The following SLC22A16 variants were observed in gnomAD, a reference collection of about 807,000 sequenced individuals.
SLC22A16 encodes solute carrier family 22 member 16, also known as WUGSC:RG331P03.1.
Under a neutral mutation model 52.9 loss-of-function variants are expected in SLC22A16, and 53 were observed. The observed-to-expected ratio is 1.00, with a 90% CI of 0.80 to 1.26. The LOEUF (loss-of-function observed/expected upper bound fraction) is 1.26. SLC22A16 is among the 50% of genes most tolerant of loss of function. The pLI, the probability that SLC22A16 is intolerant of heterozygous loss-of-function variation, is 0.00. For missense variants in SLC22A16, 726 were observed against 704.0 expected (o/e 1.03, Z -0.35); for synonymous variants, 291 against 268.8 (o/e 1.08, Z -0.81).
At chr6:110,430,040 G>A (rs74520546) in intron 7 of SLC22A16, among the ~76,000 whole-genome samples, 3,006 of 152,092 alleles carry the variant, frequency 0.02, 98 homozygotes, top group African/African-American at 0.067. Flanking sequence ...TATCAGCTGA[G>A]TTTGGACTTT....
chr6:110,443,419 A>G (rs987980874), intron 3 of SLC22A16, among the ~76,000 whole-genome samples: 3 of 152,244 alleles, frequency 2.0e-5, no homozygotes, highest in Admixed American at 6.5e-5. Flanking sequence ...AAGGCTTTGA[A>G]CAGACATTTC....
At chr6:110,456,207 G>T in intron 2 of SLC22A16, 1 of 259,590 alleles carries the variant, frequency 3.9e-6, no homozygotes, top group Non-Finnish European at 7.3e-6. Context: ...CTTTTTTTCT[G>T]TATTAATTTT....
chr6:110,458,404 C>A (rs531716592), intron 1 of SLC22A16, among the ~76,000 whole-genome samples: 1 of 152,168 alleles, frequency 6.6e-6, no homozygotes, highest in African/African-American at 2.4e-5. Context: ...TTTATTTCTA[C>A]GATCTCTCGT....
At chr6:110,466,633 A>G (rs1776072251) in intron 1 of SLC22A16, among the ~76,000 whole-genome samples, 2 of 152,096 alleles carry the variant, frequency 1.3e-5, no homozygotes, top group Admixed American at 1.3e-4. Context: ...AACAGATATT[A>G]GTGAGACTGT....
At chr6:110,465,284 A>T (rs1270866862) in intron 1 of SLC22A16, among the ~76,000 whole-genome samples, 1 of 152,126 alleles carries the variant, frequency 6.6e-6, no homozygotes, top group Admixed American at 6.6e-5. Flanking sequence ...CAGTACTAGA[A>T]GTCCTAAACA....
chr6:110,462,323 C>T (rs1335106488), intron 1 of SLC22A16, among the ~76,000 whole-genome samples: 1 of 152,176 alleles, frequency 6.6e-6, no homozygotes, highest in Non-Finnish European at 1.5e-5. Flanking sequence ...CACCTCCAAA[C>T]ATTACTAGCT....
Position 110,425,062 on chromosome 6 carries a change from G to T in SLC22A16, c.1545C>A (p.Leu515=). The T allele has an allele frequency of 6.2e-7, 1 of 1,614,140 alleles. No homozygotes were observed. Among genetic ancestry groups the T allele is most frequent in the Non-Finnish European group, 8.5e-7 (1 of 1,180,026 alleles). The change falls in exon 8 of 8, where the codon CTC becomes CTA. Residue 515 remains leucine (L), a synonymous_variant. Coordinates refer to ENST00000368919, the MANE Select transcript of SLC22A16 (RefSeq NM_033125.4). ...IPQLFVGTMA[L]LSGVLTLKLP... The stretch of plus-strand genomic sequence containing the variant: ...GCTTTAGTGTTAACACTCCACTCAG[G>T]AGGGCCATAGTCCCAACAAACAACT...
intron 5 of SLC22A16, 52 bp from the exon 6 acceptor site, chr6:110,436,013 A>G (rs6930705): frequency 0.082 from 97,951 of 1,193,462 alleles, 4,581 homozygotes; most frequent in Non-Finnish European, 0.092. Flanking sequence ...TTTAAAGGAA[A>G]ATAGAAAATC....
chr6:110,432,664 A>G (rs1774553209), intron 6 of SLC22A16, among the ~76,000 whole-genome samples: 1 of 152,178 alleles, frequency 6.6e-6, no homozygotes, highest in Admixed American at 6.5e-5. Flanking sequence ...CAAAGCCACA[A>G]CGCAAGTTGG....
In SLC22A16 at chr6:110,435,910, C is replaced by G. The variant is rs557232227; in HGVS notation, c.1363G>C (p.Gly455Arg). 1.2e-6 allele frequency: 2 copies of G among 1,613,970 alleles called. No individual in the cohort carries two copies. The highest frequency in any genetic ancestry group is 1.7e-6 in the Non-Finnish European group (2 of 1,179,944). ...VTAMVGKFAI[G>R]AAFGLIYLYT... The stretch of plus-strand genomic sequence containing the variant: ...AGATAAATGAGGCCAAATGCTGCCC[C>G]GATGGCAAATTTTCCAACCATAGCT... Residue 455 changes from glycine to arginine, a missense_variant, in exon 6 of 8, where the codon GGG (glycine) becomes CGG (arginine). Transcript: ENST00000368919.
intron 7 of SLC22A16, among the ~76,000 whole-genome samples, chr6:110,425,670 C>T (rs1774232194): frequency 6.6e-6 from 1 of 152,236 alleles, no homozygotes; most frequent in Non-Finnish European, 1.5e-5. Flanking sequence ...ATATAATTTC[C>T]TATACAGTTC....
intron 4 of SLC22A16, among the ~76,000 whole-genome samples, chr6:110,441,759 G>C (rs990991668): frequency 1.3e-5 from 2 of 152,194 alleles, no homozygotes; most frequent in African/African-American, 4.8e-5. Flanking sequence ...CAAGAGTTTT[G>C]ATGGGAAATC....
chr6:110,462,992 A>G (rs181076643), intron 1 of SLC22A16, among the ~76,000 whole-genome samples: 230 of 152,122 alleles, frequency 1.5e-3, no homozygotes, highest in Non-Finnish European at 7.4e-4. Flanking sequence ...AGGAAAAAAA[A>G]AAGCCTCCCA....
chr6:110,444,506 C>T (rs527309125), intron 3 of SLC22A16, among the ~76,000 whole-genome samples: 1 of 152,334 alleles, frequency 6.6e-6, no homozygotes, highest in Non-Finnish European at 1.5e-5. Flanking sequence ...CAGATCCCCA[C>T]TGGCCAAAGG....
At chr6:110,471,889 C>T (rs17071713) in intron 1 of SLC22A16, among the ~76,000 whole-genome samples, 107,662 of 152,084 alleles carry the variant, frequency 0.71, 40,386 homozygotes, top group Non-Finnish European at 0.85. Flanking sequence ...AGCAACACCC[C>T]TGCTGAGGCA....
chr6:110,441,678 A>G (rs1030108106), intron 4 of SLC22A16, among the ~76,000 whole-genome samples: 8 of 152,212 alleles, frequency 5.3e-5, no homozygotes, highest in African/African-American at 1.9e-4. Flanking sequence ...CCTGGGAAAC[A>G]TCACCAGAGA....
At chr6:110,475,585 T>G (rs867187917) in intron 1 of SLC22A16, among the ~76,000 whole-genome samples, 1 of 152,122 alleles carries the variant, frequency 6.6e-6, no homozygotes, top group East Asian at 1.9e-4. Context: ...CAGCACCACA[T>G]CATCTCTTTG....
intron 1 of SLC22A16, among the ~76,000 whole-genome samples, chr6:110,468,600 C>G (rs146377800): frequency 9.5e-5 from 14 of 147,660 alleles, no homozygotes; most frequent in African/African-American, 3.3e-4. Context: ...CAGCCAAGAT[C>G]ACACCACTGC....
rs370547693 is a variant in SLC22A16 at position 110,435,860 on chromosome 6, G to T, written c.1413C>A (p.Thr471=). 1.9e-5 allele frequency: 30 copies of T among 1,601,334 alleles called. No individual in the cohort carries two copies. In the Admixed American group the frequency reaches 2.4e-4, roughly 13 times the overall value. Residue 471 remains threonine (T), a synonymous_variant, in exon 6 of 8, where the codon ACC becomes ACA. Transcript: ENST00000368919. ...IYLYTAELYP[T]IVRSLAVGSG... ...AAACAATTCATCCTTACCTTACAAT[G>T]GTTGGATACAGCTCAGCTGTATAAA...
Sources: gnomAD v4.1 joint callset for allele counts (sites outside exome capture counted in the v4.1 genomes callset) on GRCh38, gnomAD v4.1.1 for gene constraint, MANE v1.5 for transcripts, NCBI Gene and HGNC (gene_info 2026-07-23, HGNC 2026-07-21) for gene names.